The following ASCC1 variants were observed in gnomAD, a reference collection of about 807,000 sequenced individuals.
ASCC1 encodes the protein ASC-1 complex subunit P50.
ASCC1 carries 35 observed loss-of-function variants against 46.6 expected under a neutral mutation model. The observed-to-expected ratio is 0.75, with a 90% CI of 0.57 to 0.99. The LOEUF is 0.99. ASCC1 is among the 50% of genes least tolerant of loss of function. The pLI is 0.00. For synonymous variants in ASCC1, 143 were observed against 146.6 expected (o/e 0.98, Z 0.18); for missense variants, 376 against 428.7 (o/e 0.88, Z 1.09).
intron 6 of ASCC1, among the ~76,000 whole-genome samples, chr10:72,158,064 A>G (rs887380531): frequency 3.3e-5 from 5 of 152,216 alleles, no homozygotes; most frequent in Non-Finnish European, 4.4e-5. Context: ...AAAAAAAATT[A>G]GAAACAATGA....
intron 9 of ASCC1, among the ~76,000 whole-genome samples, chr10:72,117,029 T>C (rs917679004): frequency 4.6e-5 from 7 of 152,140 alleles, no homozygotes; most frequent in African/African-American, 1.4e-4. Context: ...ACCTCCCAGG[T>C]TGAAGCGATT....
chr10:72,203,952 T>TA (rs1188012058), intron 3 of ASCC1, among the ~76,000 whole-genome samples: 3 of 152,170 alleles, frequency 2.0e-5, no homozygotes, highest in Admixed American at 2.0e-4. Context: ...ACCCCGTCTC[T>TA]AAAAAAATAT....
chr10:72,107,186 T>A (rs1842428124), intron 9 of ASCC1, among the ~76,000 whole-genome samples: 2 of 151,118 alleles, frequency 1.3e-5, no homozygotes, highest in Admixed American at 6.6e-5. Context: ...ATATAATCGA[T>A]TTTGAAAAAA....
rs184128747 is a variant in ASCC1, at chr10:72,121,301, G to A, written c.957+6781C>T. ...TGGGACTACAGGCGTGCACCACCAT[G>A]CCCAGCTAATTTTTTTAATTTTTTG... On this transcript the variant is annotated intron_variant, in intron 9 of 9. Transcript: ENST00000672957. Among the ~76,000 whole-genome samples the A allele has an allele frequency of 1.9e-3, 281 of 151,756 alleles. 2 individuals carry two copies. The highest frequency in any genetic ancestry group is 6.1e-3 in the African/African-American group (253 of 41,366).
intron 5 of ASCC1, among the ~76,000 whole-genome samples, chr10:72,176,377 C>CT (rs1234929198): frequency 6.6e-6 from 1 of 152,166 alleles, no homozygotes; most frequent in Non-Finnish European, 1.5e-5. Context: ...GGGTCTCGCT[C>CT]TGTCACCCAG....
chr10:72,167,733 C>T (rs1389150330), intron 5 of ASCC1, among the ~76,000 whole-genome samples: 2 of 151,496 alleles, frequency 1.3e-5, no homozygotes, highest in African/African-American at 4.9e-5. Flanking sequence ...AACTCCTGGC[C>T]TCAAGCGATC....
Position 72,097,316 on chromosome 10 carries a change from T to A in ASCC1, c.*18A>T. 1 of 1,520,912 alleles carries A rather than the reference T, an allele frequency of 6.6e-7. No homozygotes were observed. The highest frequency in any genetic ancestry group is 1.1e-5 in the South Asian group (1 of 89,164). 94.2% of individuals were successfully genotyped at this position (1,520,912 alleles called of 1,614,324 possible). A position where few individuals can be genotyped will look rare whatever the true frequency, so the allele number is the denominator to read the frequency against. On this transcript the variant is annotated 3_prime_UTR_variant, in exon 10 of 10. Coordinates refer to ENST00000672957, the MANE Select transcript of ASCC1 (RefSeq NM_001198800.3). Reference sequence around the variant, plus strand: ...CCTGGTGAAGATGTTTAGTTTCTAGTGCTTTCCAAGATCCACCTCAGGAGA... The same window carrying A: ...CCTGGTGAAGATGTTTAGTTTCTAGAGCTTTCCAAGATCCACCTCAGGAGA...
chr10:72,150,014 G>A (rs1002047012), intron 7 of ASCC1, among the ~76,000 whole-genome samples: 2 of 151,844 alleles, frequency 1.3e-5, no homozygotes, highest in African/African-American at 4.8e-5. Context: ...GGTGAAACCC[G>A]TCTCTACTAA....
chr10:72,129,587 A>G (rs1845314649), intron 8 of ASCC1, among the ~76,000 whole-genome samples: 1 of 152,114 alleles, frequency 6.6e-6, no homozygotes, highest in Non-Finnish European at 1.5e-5. Flanking sequence ...GGATCACCTT[A>G]GGTCAGGAGT....
At chr10:72,200,701 C>T (rs1856379923) in intron 4 of ASCC1, among the ~76,000 whole-genome samples, 1 of 151,422 alleles carries the variant, frequency 6.6e-6, no homozygotes, top group African/African-American at 2.4e-5. Flanking sequence ...ACTTTTAATG[C>T]AATTATAAAA....
intron 5 of ASCC1, among the ~76,000 whole-genome samples, chr10:72,189,012 T>TC (rs1853944544): frequency 6.6e-6 from 1 of 152,030 alleles, no homozygotes; most frequent in Admixed American, 6.6e-5. Flanking sequence ...AGCCTCGGCC[T>TC]CCCAAAGTGC....
At position 72,212,865 on chromosome 10, in the gene ASCC1, T is replaced by C. The variant is rs184008584; in HGVS notation, c.112+322A>G. 2.8e-3 allele frequency among the ~76,000 whole-genome samples: 423 copies of C among 151,976 alleles called. 4 individuals carry two copies. The highest frequency in any genetic ancestry group is 9.7e-3 in the African/African-American group (402 of 41,472). On this transcript the variant is annotated intron_variant, in intron 2 of 9. Transcript: ENST00000672957. ...TCCATCTCAAATAATAATAATATTA[T>C]TAATAATAATAATTACAACTCTACA... is the stretch of plus-strand genomic sequence containing the variant.
intron 5 of ASCC1, chr10:72,190,015 C>T (rs1275103271): frequency 9.2e-6 from 7 of 758,370 alleles, no homozygotes; most frequent in Non-Finnish European, 1.7e-5. Context: ...TTCTGAGGGT[C>T]CACTGCTGGC....
chr10:72,197,559 A>G (rs933065493), intron 4 of ASCC1, among the ~76,000 whole-genome samples: 2 of 151,848 alleles, frequency 1.3e-5, no homozygotes, highest in Non-Finnish European at 2.9e-5. Flanking sequence ...AACCCTTGCT[A>G]GTAGGAATGT....
chr10:72,145,475 G>A (rs896396047), intron 7 of ASCC1, among the ~76,000 whole-genome samples: 1 of 152,142 alleles, frequency 6.6e-6, no homozygotes, highest in African/African-American at 2.4e-5. Context: ...CTCTTAGCCT[G>A]CAAACTCCAA....
At chr10:72,211,940 T>C (rs548401812) in intron 2 of ASCC1, among the ~76,000 whole-genome samples, 2 of 152,264 alleles carry the variant, frequency 1.3e-5, no homozygotes, top group East Asian at 1.9e-4. Flanking sequence ...TCTCAGCACT[T>C]TGGGAGGCCA....
chr10:72,173,895 T>C (rs919265716), intron 5 of ASCC1, among the ~76,000 whole-genome samples: 1 of 152,230 alleles, frequency 6.6e-6, no homozygotes, highest in African/African-American at 2.4e-5. Flanking sequence ...TCTTACTCCA[T>C]TAGGTTGGCC....
At chr10:72,205,099 G>C (rs1273788469) in intron 3 of ASCC1, among the ~76,000 whole-genome samples, 1 of 152,218 alleles carries the variant, frequency 6.6e-6, no homozygotes, top group Admixed American at 6.6e-5. Context: ...CTTAAGCCCA[G>C]GAGTTCAAGG....
intron 4 of ASCC1, among the ~76,000 whole-genome samples, chr10:72,199,027 G>A (rs1387754336): frequency 6.6e-6 from 1 of 152,034 alleles, no homozygotes. Flanking sequence ...ATGTTGGCCA[G>A]GCTGGTCTCA....
Sources: allele counts gnomAD v4.1 joint callset (sites outside exome capture counted in the v4.1 genomes callset), GRCh38; gene constraint gnomAD v4.1.1; transcripts MANE v1.5; gene names NCBI Gene and HGNC (gene_info 2026-07-23, HGNC 2026-07-21).